FRMD4B: variants seen among roughly 807,000 people sequenced by gnomAD.
The protein encoded by FRMD4B is FERM domain containing 4B.
In FRMD4B, 74 loss-of-function variants were observed where a neutral mutation model predicts 141.5. The ratio of observed to expected loss-of-function variants is 0.52; its 90% CI spans 0.43 to 0.63. FRMD4B has a LOEUF of 0.63. Among genes scored for constraint, FRMD4B ranks in the 30% least tolerant of loss-of-function variants. FRMD4B has a pLI of 0.00. For synonymous variants in FRMD4B, 506 were observed against 467.9 expected (o/e 1.08, Z -1.05); for missense variants, 1,366 against 1,253.4 (o/e 1.09, Z -1.36).
chr3:69,292,832 TGCAA>T, intron 4 of FRMD4B: 1 of 173,468 alleles, frequency 5.8e-6, no homozygotes, highest in Non-Finnish European at 1.2e-5. Flanking sequence ...TTTTTTTTTT[TGCAA>T]AAGGATACTG....
intron 1 of FRMD4B, among the ~76,000 whole-genome samples, chr3:69,362,698 CA>C (rs1371435474): frequency 1.3e-5 from 1 of 77,468 alleles, no homozygotes; most frequent in Non-Finnish European, 2.5e-5. Flanking sequence ...AACAAAAAGC[CA>C]ACCCCCCCCC....
At chr3:69,470,235 T>C (rs1279193746) in intron 1 of FRMD4B, among the ~76,000 whole-genome samples, 1 of 152,222 alleles carries the variant, frequency 6.6e-6, no homozygotes, top group African/African-American at 2.4e-5. Flanking sequence ...TTTACATTAA[T>C]AGAGAAAGCT....
chr3:69,347,979 G>A (rs1177301306), intron 1 of FRMD4B, among the ~76,000 whole-genome samples: 1 of 152,108 alleles, frequency 6.6e-6, no homozygotes, highest in Non-Finnish European at 1.5e-5. Flanking sequence ...AAATAACTAA[G>A]ATCAGAGCAG....
At chr3:69,366,978 G>T (rs1169487168) in intron 1 of FRMD4B, among the ~76,000 whole-genome samples, 1 of 151,984 alleles carries the variant, frequency 6.6e-6, no homozygotes, top group African/African-American at 2.4e-5. Context: ...TGTTGCCCAG[G>T]CTGGTCGTGA....
At chr3:69,540,337 G>A (rs868380476) in intron 1 of FRMD4B, among the ~76,000 whole-genome samples, 3 of 151,758 alleles carry the variant, frequency 2.0e-5, no homozygotes, top group Middle Eastern at 3.4e-3. Context: ...TATATAGGCC[G>A]GGTGCCGCGG....
intron 22 of FRMD4B, among the ~76,000 whole-genome samples, chr3:69,175,557 C>G (rs1454214611): frequency 6.6e-6 from 1 of 152,074 alleles, no homozygotes; most frequent in Non-Finnish European, 1.5e-5. Flanking sequence ...TCCAGCCTAC[C>G]AACTGTCTAA....
chr3:69,428,961 A>G (rs986262766), intron 2 of FRMD4B, among the ~76,000 whole-genome samples: 3 of 152,194 alleles, frequency 2.0e-5, no homozygotes, highest in Non-Finnish European at 4.4e-5. Flanking sequence ...TCCTTTTGCG[A>G]CTGGCTTATT....
At chr3:69,363,072 G>A (rs1703519279) in intron 1 of FRMD4B, among the ~76,000 whole-genome samples, 1 of 151,882 alleles carries the variant, frequency 6.6e-6, no homozygotes, top group African/African-American at 2.4e-5. Flanking sequence ...AGGTAGGGCA[G>A]TGCCAAGGTT....
chr3:69,407,377 T>C (rs990010708), intron 2 of FRMD4B, among the ~76,000 whole-genome samples: 9 of 152,160 alleles, frequency 5.9e-5, no homozygotes, highest in African/African-American at 1.7e-4. Flanking sequence ...TTCCTGGATA[T>C]CTCTCACGGT....
At chr3:69,193,554 G>T (rs2092864015) in intron 17 of FRMD4B, 94 bp downstream of exon 17, 1 of 677,564 alleles carries the variant, frequency 1.5e-6, no homozygotes, top group African/African-American at 1.8e-5. Context: ...TTCTTCCTTT[G>T]ATCTCTCATC....
chr3:69,456,080 A>T (rs1266492574), intron 1 of FRMD4B, among the ~76,000 whole-genome samples: 1 of 152,240 alleles, frequency 6.6e-6, no homozygotes, highest in Non-Finnish European at 1.5e-5. Flanking sequence ...GTATCTCTAA[A>T]GAACTTGTGA....
intron 5 of FRMD4B, among the ~76,000 whole-genome samples, chr3:69,263,392 T>C (rs1231961038): frequency 2.2e-5 from 3 of 139,206 alleles, no homozygotes; most frequent in African/African-American, 7.9e-5. Flanking sequence ...GCTAGTTACA[T>C]GCACTTTTTT....
At chr3:69,461,252 A>G (rs772968716) in intron 1 of FRMD4B, among the ~76,000 whole-genome samples, 1 of 152,186 alleles carries the variant, frequency 6.6e-6, no homozygotes, top group Non-Finnish European at 1.5e-5. Flanking sequence ...TTAAGAAACA[A>G]TAACACATAA....
chr3:69,413,110 T>C (rs1704788619), intron 2 of FRMD4B, among the ~76,000 whole-genome samples: 1 of 152,118 alleles, frequency 6.6e-6, no homozygotes. Flanking sequence ...GTGCCTAATG[T>C]ATAGTAGGCA....
chr3:69,302,315 GA>G (rs1559790511), intron 4 of FRMD4B, 27 bp downstream of exon 4: 2 of 1,198,536 alleles, frequency 1.7e-6, no homozygotes, highest in Admixed American at 1.8e-5. Flanking sequence ...AAAAAAGAGG[GA>G]TGCTAACTGG....
chr3:69,523,672 A>G (rs979858757), intron 1 of FRMD4B, among the ~76,000 whole-genome samples: 1 of 152,104 alleles, frequency 6.6e-6, no homozygotes, highest in Non-Finnish European at 1.5e-5. Context: ...AGAGGATGGG[A>G]AATGTGGTTT....
Position 69,181,555 on chromosome 3 carries a change from T to C in FRMD4B, c.2195A>G (p.Tyr732Cys). 6.2e-7 allele frequency: 1 copy of C among 1,613,952 alleles called. No homozygotes were observed. ...ATACTCTGTGCTTGATTGGCTTGTA[T>C]AAGAAGACCCGTCATCGAGGATTTC... ...STEILDDGSS[Y>C]TSQSSTEYYC... The change falls in exon 21 of 23, where the codon TAT becomes TGT. Residue 732 changes from tyrosine (Y) to cysteine (C), a missense_variant. Tyr to Cys is a radical substitution (Grantham distance 194). Transcript: ENST00000398540.
intron 1 of FRMD4B, among the ~76,000 whole-genome samples, chr3:69,344,276 T>C (rs1410794028): frequency 6.6e-6 from 1 of 152,192 alleles, no homozygotes; most frequent in Admixed American, 6.5e-5. Context: ...TGGGCCATTT[T>C]AATCTGTGCC....
chr3:69,468,928 ATGGCCTG>A (rs1705838944), intron 1 of FRMD4B, among the ~76,000 whole-genome samples: 1 of 152,190 alleles, frequency 6.6e-6, no homozygotes, highest in Non-Finnish European at 1.5e-5. Flanking sequence ...ATACAGACCT[ATGGCCTG>A]TATAGTCCGA....
Sources: gnomAD v4.1 joint callset for allele counts (sites outside exome capture counted in the v4.1 genomes callset) on GRCh38, gnomAD v4.1.1 for gene constraint, MANE v1.5 for transcripts, NCBI Gene and HGNC (gene_info 2026-07-23, HGNC 2026-07-21) for gene names.